The following TAFA2 variants were observed in gnomAD, a reference collection of about 807,000 sequenced individuals.
The protein encoded by TAFA2 is TAFA chemokine like family member 2.
Under a neutral mutation model 18.8 loss-of-function variants are expected in TAFA2, and 7 were observed. The ratio of observed to expected loss-of-function variants is 0.37; its 90% CI spans 0.21 to 0.70. The LOEUF (loss-of-function observed/expected upper bound fraction) is 0.70. Ranked by LOEUF, TAFA2 falls within the 30% of genes least tolerant of loss-of-function variation. The pLI is 0.53. For synonymous variants in TAFA2, 60 were observed against 54.2 expected (o/e 1.11, Z -0.47); for missense variants, 122 against 158.1 (o/e 0.77, Z 1.23).
chr12:61,995,949 G>A (rs1880171855), intron 1 of TAFA2, among the ~76,000 whole-genome samples: 3 of 152,034 alleles, frequency 2.0e-5, no homozygotes, highest in Admixed American at 6.6e-5. Flanking sequence ...TGTATGGTAT[G>A]TAAATCATGT....
chr12:62,137,350 T>A (rs1174751230), intron 1 of TAFA2, among the ~76,000 whole-genome samples: 2 of 152,138 alleles, frequency 1.3e-5, no homozygotes, highest in Non-Finnish European at 2.9e-5. Flanking sequence ...AATTACCACA[T>A]TAAATCTTCA....
intron 1 of TAFA2, among the ~76,000 whole-genome samples, chr12:61,932,912 A>T (rs1000871964): frequency 6.6e-6 from 1 of 152,158 alleles, no homozygotes; most frequent in African/African-American, 2.4e-5. Context: ...ATTATTCTGC[A>T]TGGTAGACTC....
chr12:61,780,795 A>G (rs954944851), intron 2 of TAFA2, among the ~76,000 whole-genome samples: 3 of 151,486 alleles, frequency 2.0e-5, no homozygotes, highest in Non-Finnish European at 2.9e-5. Flanking sequence ...GTTGGGTTCA[A>G]TTTCTCTCCT....
chr12:62,180,240 T>TAC (rs2062543083), intron 1 of TAFA2, among the ~76,000 whole-genome samples: 1 of 152,192 alleles, frequency 6.6e-6, no homozygotes, highest in Non-Finnish European at 1.5e-5. Context: ...GAAGAATAGA[T>TAC]ACATCTTTTT....
chr12:62,197,043 A>G (rs1312997199), upstream of TAFA2, among the ~76,000 whole-genome samples: 1 of 152,162 alleles, frequency 6.6e-6, no homozygotes, highest in Non-Finnish European at 1.5e-5. Flanking sequence ...CAGCTGCGGC[A>G]TTAGATTCTC....
chr12:61,709,065 C>T lies in TAFA2; in HGVS notation c.*1341G>A, dbSNP rs1029024891. 2.0e-5 allele frequency: 3 copies of T among 152,454 alleles called. No individual in the cohort carries two copies. The Admixed American group carries it at 2.0e-4, about 10-fold the overall frequency. The allele number at this position is 152,454 out of a possible 1,614,324, so 9.4% of individuals were successfully genotyped here. A position where few individuals can be genotyped will look rare whatever the true frequency, so the allele number is the denominator to read the frequency against. On this transcript the variant is annotated 3_prime_UTR_variant, in exon 5 of 5. Transcript: ENST00000416284. ...CATTCCTTCAAACTATAGGTTTACACAATATTGTTACAGAATGGCTATGCA... is the reference window on the plus strand; with the variant it reads ...CATTCCTTCAAACTATAGGTTTACATAATATTGTTACAGAATGGCTATGCA...
At chr12:61,818,501 ACAC>A (rs2121038053) in intron 2 of TAFA2, among the ~76,000 whole-genome samples, 1 of 151,640 alleles carries the variant, frequency 6.6e-6, no homozygotes, top group African/African-American at 2.4e-5. Flanking sequence ...ACACACACAC[ACAC>A]ACACACACAC....
At chr12:61,955,404 C>A (rs1878616107) in intron 1 of TAFA2, among the ~76,000 whole-genome samples, 2 of 150,870 alleles carry the variant, frequency 1.3e-5, no homozygotes, top group South Asian at 4.2e-4. Context: ...GAGATCGAGA[C>A]CATCCTAGCC....
chr12:62,058,065 T>C (rs938399483), intron 1 of TAFA2, among the ~76,000 whole-genome samples: 17 of 152,366 alleles, frequency 1.1e-4, no homozygotes, highest in African/African-American at 3.8e-4. Context: ...ATTTGTTGAA[T>C]ATAAAATTGA....
chr12:61,996,729 C>G (rs979968389), intron 1 of TAFA2, among the ~76,000 whole-genome samples: 1 of 152,192 alleles, frequency 6.6e-6, no homozygotes, highest in African/African-American at 2.4e-5. Context: ...CCTGGCATCA[C>G]TTCCCCAAAT....
chr12:61,884,929 A>G (rs1378775842), intron 1 of TAFA2, among the ~76,000 whole-genome samples: 1 of 152,214 alleles, frequency 6.6e-6, no homozygotes, highest in Non-Finnish European at 1.5e-5. Context: ...TTTTCACTCC[A>G]TTCCATTATT....
intron 1 of TAFA2, among the ~76,000 whole-genome samples, chr12:62,202,342 T>C (rs1007147564): frequency 6.6e-6 from 1 of 151,786 alleles, no homozygotes; most frequent in African/African-American, 2.4e-5. Flanking sequence ...TTGAGATCTT[T>C]CTAGTTTTTT....
intron 2 of TAFA2, among the ~76,000 whole-genome samples, chr12:61,836,224 T>A (rs1872913641): frequency 6.6e-6 from 1 of 152,002 alleles, no homozygotes; most frequent in South Asian, 2.1e-4. Flanking sequence ...CTGATGCTAT[T>A]TGAATGTGAA....
chr12:61,945,795 G>C (rs1271369398), intron 1 of TAFA2, among the ~76,000 whole-genome samples: 1 of 144,486 alleles, frequency 6.9e-6, no homozygotes, highest in Admixed American at 6.9e-5. Flanking sequence ...CACTGCTCAA[G>C]GAAATAAAAG....
intron 1 of TAFA2, chr12:61,879,963 T>C (rs992635456): frequency 1.3e-5 from 11 of 866,044 alleles, no homozygotes; most frequent in Admixed American, 1.7e-5. Context: ...GAGTCTCACC[T>C]GGAAGGGCTG....
intron 1 of TAFA2, among the ~76,000 whole-genome samples, chr12:62,244,731 C>T (rs1158062919): frequency 1.3e-5 from 2 of 152,136 alleles, no homozygotes; most frequent in Non-Finnish European, 2.9e-5. Context: ...ACCTCATTAA[C>T]ACTAGATAAT....
At chr12:61,881,707 A>C (rs1875147817) in intron 1 of TAFA2, among the ~76,000 whole-genome samples, 1 of 151,382 alleles carries the variant, frequency 6.6e-6, no homozygotes, top group Non-Finnish European at 1.5e-5. Flanking sequence ...TACCACCCCC[A>C]CCCTCCCTTT....
intron 1 of TAFA2, among the ~76,000 whole-genome samples, chr12:62,046,383 G>A (rs140881875): frequency 1.6e-3 from 248 of 151,512 alleles, no homozygotes; most frequent in African/African-American, 5.3e-3. Flanking sequence ...TATCTCAACC[G>A]ACTATACAAA....
At chr12:62,033,385 C>A (rs937941599) in intron 1 of TAFA2, among the ~76,000 whole-genome samples, 2 of 152,134 alleles carry the variant, frequency 1.3e-5, no homozygotes, top group South Asian at 4.1e-4. Context: ...CTGACACAGA[C>A]TACATCGGCC....
Sources: allele counts gnomAD v4.1 joint callset (sites outside exome capture counted in the v4.1 genomes callset), GRCh38; gene constraint gnomAD v4.1.1; transcripts MANE v1.5; gene names NCBI Gene and HGNC (gene_info 2026-07-23, HGNC 2026-07-21).